Variants in MAGI3 observed in about 807,000 individuals in gnomAD.
The protein encoded by MAGI3 is membrane-associated guanylate kinase, WW and PDZ domain-containing protein 3.
Under a neutral mutation model 121.8 loss-of-function variants are expected in MAGI3, and 43 were observed. The observed-to-expected ratio is 0.35, with a 90% CI of 0.28 to 0.46. The LOEUF (loss-of-function observed/expected upper bound fraction) is 0.46. MAGI3 is among the 20% of genes least tolerant of loss of function. MAGI3 has a pLI of 1.00. For missense variants in MAGI3, 1,547 were observed against 1,797.3 expected (o/e 0.86, Z 2.52); for synonymous variants, 553 against 639.3 (o/e 0.86, Z 2.04).
chr1:113,515,193 A>C (rs1223562932), intron 1 of MAGI3, among the ~76,000 whole-genome samples: 1 of 152,110 alleles, frequency 6.6e-6, no homozygotes. Flanking sequence ...TCACGGCAGC[A>C]AACTTCCAAA....
chr1:113,533,237 A>G (rs1658809583), intron 1 of MAGI3, among the ~76,000 whole-genome samples: 2 of 152,248 alleles, frequency 1.3e-5, no homozygotes, highest in East Asian at 1.9e-4. Flanking sequence ...CATATACACC[A>G]TGGAATACTA....
Position 113,391,012 on chromosome 1 carries a change from C to A in MAGI3, c.-22C>A, listed in dbSNP as rs1355819934. ...CCCGGCCGCCCGCGCGGGGTCTCCCCCATGGTGCAGCGGGGTTCGGGATGT... is the reference window on the plus strand; with the variant it reads ...CCCGGCCGCCCGCGCGGGGTCTCCCACATGGTGCAGCGGGGTTCGGGATGT... On this transcript the variant is annotated 5_prime_UTR_variant, in exon 1 of 21. Transcript: ENST00000307546. The surrounding 1 kb of genome is among the most constrained non-coding windows in gnomAD (Gnocchi z 4.4). 2 of 1,551,890 alleles carry A rather than the reference C, an allele frequency of 1.3e-6. No individual in the cohort carries two copies. Among genetic ancestry groups the A allele is most frequent in the Non-Finnish European group, 1.7e-6 (2 of 1,152,150 alleles).
intron 1 of MAGI3, among the ~76,000 whole-genome samples, chr1:113,434,111 T>C (rs1476467482): frequency 6.6e-6 from 1 of 152,188 alleles, no homozygotes; most frequent in Non-Finnish European, 1.5e-5. Flanking sequence ...GTAGCTGTAC[T>C]ATGCTACCCA....
intron 1 of MAGI3, among the ~76,000 whole-genome samples, chr1:113,456,117 A>AT (rs35038942): frequency 0.3 from 33,757 of 113,380 alleles, 6,196 homozygotes; most frequent in East Asian, 0.74. Flanking sequence ...CGCCCGGCTA[A>AT]TTTTTTTTTT....
Position 113,653,887 on chromosome 1 carries a change from C to T in MAGI3, c.2498C>T (p.Pro833Leu), listed in dbSNP as rs1653319833. Residue 833 changes from proline to leucine, a missense_variant, in exon 15 of 21, where the codon CCC becomes CTC. Transcript: ENST00000307546. Reference sequence around the variant, plus strand: ...TTCATTTCAACACAGAATGGATCTCCCCGCCTGAACCGGGCAGAGGTCCCA... The same window carrying T: ...TTCATTTCAACACAGAATGGATCTCTCCGCCTGAACCGGGCAGAGGTCCCA... ...QAFISTQNGS[P>L]RLNRAEVPAR... is the part of the protein sequence containing the mutation. 1 of 1,613,740 alleles carries T rather than the reference C, an allele frequency of 6.2e-7. No homozygotes were observed. The highest frequency in any genetic ancestry group is 8.5e-7 in the Non-Finnish European group (1 of 1,179,912).
intron 6 of MAGI3, among the ~76,000 whole-genome samples, chr1:113,599,397 C>T (rs1412891995): frequency 4.6e-5 from 7 of 152,016 alleles, no homozygotes; most frequent in African/African-American, 7.3e-5. Context: ...ATATCACCAC[C>T]GATCCCACAG....
chr1:113,525,952 A>G (rs1313197159), intron 1 of MAGI3, among the ~76,000 whole-genome samples: 1 of 152,164 alleles, frequency 6.6e-6, no homozygotes, highest in Non-Finnish European at 1.5e-5. Context: ...CAGTGAGCCA[A>G]GATTGCACCA....
chr1:113,406,278 GA>G (rs764250269), intron 1 of MAGI3, among the ~76,000 whole-genome samples: 8,328 of 74,524 alleles, frequency 0.11, 261 homozygotes, highest in Non-Finnish European at 0.13. Flanking sequence ...TTTGTCTACA[GA>G]AAAAAAAAAA....
At chr1:113,396,623 G>A (rs897808129) in intron 1 of MAGI3, among the ~76,000 whole-genome samples, 1 of 152,078 alleles carries the variant, frequency 6.6e-6, no homozygotes, top group African/African-American at 2.4e-5. Context: ...TATTCAGAAT[G>A]TTTTCCAAGA....
chr1:113,567,525 C>G (rs904424716), intron 2 of MAGI3, among the ~76,000 whole-genome samples: 1 of 152,158 alleles, frequency 6.6e-6, no homozygotes, highest in South Asian at 2.1e-4. Context: ...AAAGAAAATA[C>G]TAGCAAACCA....
intron 6 of MAGI3, among the ~76,000 whole-genome samples, chr1:113,605,570 A>C (rs1487791622): frequency 6.6e-6 from 1 of 152,154 alleles, no homozygotes; most frequent in Non-Finnish European, 1.5e-5. Context: ...TCCAGTTGCC[A>C]AAACCCACTT....
intron 9 of MAGI3, among the ~76,000 whole-genome samples, chr1:113,626,041 C>G (rs1410954892): frequency 6.6e-6 from 1 of 152,176 alleles, no homozygotes; most frequent in African/African-American, 2.4e-5. Flanking sequence ...TCTCAGCTCA[C>G]TGCAACCCCC....
chr1:113,444,874 G>A (rs905543794), intron 1 of MAGI3, among the ~76,000 whole-genome samples: 1 of 152,086 alleles, frequency 6.6e-6, no homozygotes, highest in African/African-American at 2.4e-5. Context: ...CATAATGTAT[G>A]AACAAAGTGG....
At chr1:113,509,366 T>G (rs986992245) in intron 1 of MAGI3, among the ~76,000 whole-genome samples, 1 of 143,054 alleles carries the variant, frequency 7.0e-6, no homozygotes, top group Non-Finnish European at 1.6e-5. Flanking sequence ...TTTTTTTTTT[T>G]TTGTTTTCTT....
intron 1 of MAGI3, among the ~76,000 whole-genome samples, chr1:113,488,368 T>C (rs561892861): frequency 2.0e-5 from 3 of 152,234 alleles, no homozygotes; most frequent in Non-Finnish European, 4.4e-5. Context: ...TCCTCAACTC[T>C]GCAGGATGGT....
At chr1:113,457,121 A>C (rs1654798994) in intron 1 of MAGI3, among the ~76,000 whole-genome samples, 2 of 152,208 alleles carry the variant, frequency 1.3e-5, no homozygotes, top group African/African-American at 4.8e-5. Flanking sequence ...GTGTTTGCTT[A>C]AAGTTGGCTC....
intron 1 of MAGI3, among the ~76,000 whole-genome samples, chr1:113,462,007 T>G (rs1189097980): frequency 6.6e-6 from 1 of 152,064 alleles, no homozygotes; most frequent in Admixed American, 6.6e-5. Flanking sequence ...CAAATTAAAA[T>G]CACAGTGAGA....
At chr1:113,470,249 C>T (rs1655480045) in intron 1 of MAGI3, among the ~76,000 whole-genome samples, 1 of 152,076 alleles carries the variant, frequency 6.6e-6, no homozygotes, top group African/African-American at 2.4e-5. Context: ...TTCACACTGC[C>T]ATCCAGGGAC....
At chr1:113,526,292 A>G (rs1331206881) in intron 1 of MAGI3, among the ~76,000 whole-genome samples, 3 of 152,220 alleles carry the variant, frequency 2.0e-5, no homozygotes, top group Non-Finnish European at 4.4e-5. Flanking sequence ...CTAGGGGAGC[A>G]AATAAGAAGG....
Sources: allele counts gnomAD v4.1 joint callset (sites outside exome capture counted in the v4.1 genomes callset), GRCh38; gene constraint gnomAD v4.1.1; non-coding constraint Gnocchi (gnomAD v3.1); transcripts MANE v1.5; gene names NCBI Gene and HGNC (gene_info 2026-07-23, HGNC 2026-07-21).